LRRC74A: variants seen among roughly 807,000 people sequenced by gnomAD.
The protein encoded by LRRC74A is leucine rich repeat containing 74A, also known as leucine-rich repeat-containing protein 74A.
LRRC74A carries 44 observed loss-of-function variants against 57.9 expected under a neutral mutation model. That is an observed-to-expected ratio of 0.76 (90% CI 0.60 to 0.98). The LOEUF is 0.98. Among genes scored for constraint, LRRC74A ranks in the 50% least tolerant of loss-of-function variants. The pLI is 0.00. For synonymous variants in LRRC74A, 211 were observed against 219.4 expected (o/e 0.96, Z 0.34); for missense variants, 572 against 574.0 (o/e 1.00, Z 0.04).
Position 76,857,412 on chromosome 14 carries a change from T to C in LRRC74A, c.990T>C (p.Ala330=). 1.3e-6 allele frequency: 2 copies of C among 1,585,158 alleles called. No homozygotes were observed. The highest frequency in any genetic ancestry group is 2.3e-5 in the East Asian group (1 of 44,160). The change falls in exon 10 of 14, where the codon GCT becomes GCC. Residue 330 remains alanine (A), a synonymous_variant. Coordinates refer to ENST00000689127, the MANE Select transcript of LRRC74A (RefSeq NM_001385106.1). ...LFLNPINMDG[A]ILLILAIKRN... ...TGAATCCCATAAATATGGATGGGGC[T>C]ATTTTACTTATCCTGGCTATCAAGA...
At chr14:76,865,600 G>T (rs528376703) in intron 11 of LRRC74A, among the ~76,000 whole-genome samples, 1 of 152,200 alleles carries the variant, frequency 6.6e-6, no homozygotes, top group Non-Finnish European at 1.5e-5. Context: ...AACAGATTGC[G>T]TTTGTAGATA....
intron 9 of LRRC74A, among the ~76,000 whole-genome samples, chr14:76,853,888 G>A (rs1897698145): frequency 6.6e-6 from 1 of 152,148 alleles, no homozygotes; most frequent in Non-Finnish European, 1.5e-5. Context: ...AAAGTGCTGG[G>A]ATTACAGGCA....
intron 10 of LRRC74A, among the ~76,000 whole-genome samples, chr14:76,859,120 C>G (rs1308436379): frequency 6.6e-6 from 1 of 152,126 alleles, no homozygotes; most frequent in East Asian, 1.9e-4. Flanking sequence ...CAGGATGCTG[C>G]CTTCACCCCT....
chr14:76,835,608 G>A (rs1212955549), intron 3 of LRRC74A, among the ~76,000 whole-genome samples: 1 of 152,140 alleles, frequency 6.6e-6, no homozygotes, highest in African/African-American at 2.4e-5. Flanking sequence ...ACCAGAGCGA[G>A]GTGTGGTGGC....
At chr14:76,835,116 A>T (rs546596217) in intron 3 of LRRC74A, among the ~76,000 whole-genome samples, 2 of 152,296 alleles carry the variant, frequency 1.3e-5, no homozygotes, top group South Asian at 4.1e-4. Flanking sequence ...GGGGAAGGGA[A>T]GATCAAAGTT....
At chr14:76,849,985 G>T (rs1018810387) in intron 7 of LRRC74A, among the ~76,000 whole-genome samples, 1 of 152,020 alleles carries the variant, frequency 6.6e-6, no homozygotes, top group Non-Finnish European at 1.5e-5. Flanking sequence ...GAGGCGGGCG[G>T]ATCACAAGGT....
At chr14:76,844,621 C>T (rs1897000397) in intron 6 of LRRC74A, 149 bp downstream of exon 6, 2 of 839,808 alleles carry the variant, frequency 2.4e-6, no homozygotes, top group African/African-American at 1.7e-5. Flanking sequence ...CCAACAAAGG[C>T]ACAGCAAATG....
intron 10 of LRRC74A, among the ~76,000 whole-genome samples, chr14:76,860,156 A>G (rs1353419812): frequency 6.6e-6 from 1 of 152,230 alleles, no homozygotes; most frequent in East Asian, 1.9e-4. Context: ...TGAGGAATGA[A>G]GCAGGCTGAC....
intron 13 of LRRC74A, among the ~76,000 whole-genome samples, 184 bp from the exon 14 acceptor site, chr14:76,869,941 T>C (rs183613516): frequency 7.7e-4 from 117 of 151,762 alleles, no homozygotes; most frequent in Non-Finnish European, 1.5e-3. Flanking sequence ...TGTGTGTGTG[T>C]GCACACGCAC....
At chr14:76,849,580 T>C (rs1897304939) in intron 7 of LRRC74A, among the ~76,000 whole-genome samples, 1 of 150,872 alleles carries the variant, frequency 6.6e-6, no homozygotes, top group African/African-American at 2.4e-5. Context: ...GGCGGGTGGA[T>C]CACCTGAGGT....
intron 13 of LRRC74A, among the ~76,000 whole-genome samples, chr14:76,867,962 T>C (rs1167204503): frequency 1.3e-5 from 2 of 152,216 alleles, no homozygotes; most frequent in Non-Finnish European, 2.9e-5. Flanking sequence ...TGAGGGATGC[T>C]GTATCTTAGA....
chr14:76,850,156 G>A (rs890763395), intron 7 of LRRC74A, among the ~76,000 whole-genome samples: 22 of 149,822 alleles, frequency 1.5e-4, no homozygotes, highest in Non-Finnish European at 8.9e-5. Context: ...TGCAGTGAGC[G>A]GAGATTGCGC....
intron 12 of LRRC74A, among the ~76,000 whole-genome samples, chr14:76,866,432 C>A (rs1898800460): frequency 6.6e-6 from 1 of 152,184 alleles, no homozygotes; most frequent in African/African-American, 2.4e-5. Context: ...AACATTTCCA[C>A]CTTAGGAATC....
At chr14:76,831,078 CA>C (rs1411817877) in intron 2 of LRRC74A, 124 bp from the exon 3 acceptor site, 1 of 960,754 alleles carries the variant, frequency 1.0e-6, no homozygotes, top group African/African-American at 1.6e-5. Context: ...CTTCTTAGCA[CA>C]TACCCACAGG....
intron 5 of LRRC74A, among the ~76,000 whole-genome samples, chr14:76,842,115 T>C (rs778845672): frequency 1.2e-4 from 18 of 152,364 alleles, no homozygotes; most frequent in Non-Finnish European, 2.2e-4. Context: ...TTTTATCTTA[T>C]GTGAACAGAA....
intron 5 of LRRC74A, among the ~76,000 whole-genome samples, chr14:76,841,152 C>T (rs1896740484): frequency 6.6e-6 from 1 of 152,210 alleles, no homozygotes; most frequent in African/African-American, 2.4e-5. Flanking sequence ...AGTGATTCTC[C>T]TGCCTCAGCC....
intron 6 of LRRC74A, 142 bp downstream of exon 6, chr14:76,844,614 A>G (rs993906245): frequency 2.0e-5 from 17 of 859,650 alleles, no homozygotes; most frequent in Non-Finnish European, 3.0e-5. Flanking sequence ...GCCAACCCCA[A>G]CAAAGGCACA....
chr14:76,848,282 A>T (rs1595371276), intron 7 of LRRC74A, among the ~76,000 whole-genome samples: 1 of 149,998 alleles, frequency 6.7e-6, no homozygotes, highest in African/African-American at 2.5e-5. Context: ...AGTATGATAA[A>T]AAAATAAAAT....
At chr14:76,858,274 T>C (rs1270760288) in intron 10 of LRRC74A, among the ~76,000 whole-genome samples, 4 of 152,144 alleles carry the variant, frequency 2.6e-5, no homozygotes, top group Admixed American at 2.6e-4. Context: ...AGAGAATCTG[T>C]TCCTGACCTC....
Sources: gnomAD v4.1 joint callset for allele counts (sites outside exome capture counted in the v4.1 genomes callset) on GRCh38, gnomAD v4.1.1 for gene constraint, MANE v1.5 for transcripts, NCBI Gene and HGNC (gene_info 2026-07-23, HGNC 2026-07-21) for gene names.